RAI14: variants seen among roughly 807,000 people sequenced by gnomAD.
RAI14 encodes ankycorbin.
Under a neutral mutation model 115.4 loss-of-function variants are expected in RAI14, and 45 were observed. The observed-to-expected ratio is 0.39, with a 90% CI of 0.31 to 0.50. The LOEUF (loss-of-function observed/expected upper bound fraction) is 0.50, where lower values mean the gene tolerates loss of function less well. Ranked by LOEUF, RAI14 falls within the 20% of genes least tolerant of loss-of-function variation. The pLI is 0.85. For missense variants in RAI14, 939 were observed against 1,131.2 expected, an observed-to-expected ratio of 0.83 and a Z score of 2.44; for synonymous variants, 371 against 415.4, an observed-to-expected ratio of 0.89 and a Z score of 1.30.
At chr5:34,724,509 C>A (rs1329922555) in intron 2 of RAI14, among the ~76,000 whole-genome samples, 1 of 152,068 alleles carries the variant, frequency 6.6e-6, no homozygotes, top group Non-Finnish European at 1.5e-5. Context: ...CTCCCCATGG[C>A]GTGACAGGAA....
intron 2 of RAI14, among the ~76,000 whole-genome samples, chr5:34,735,660 T>C (rs1316010270): frequency 6.6e-6 from 1 of 152,246 alleles, no homozygotes; most frequent in Non-Finnish European, 1.5e-5. Flanking sequence ...CTCTAACTTG[T>C]ATAAAGAAAT....
chr5:34,792,323 T>A (rs1753026282), intron 3 of RAI14, among the ~76,000 whole-genome samples: 2 of 145,688 alleles, frequency 1.4e-5, no homozygotes, highest in African/African-American at 5.1e-5. Context: ...AAGCTCCGCC[T>A]CCCTGGTTCA....
chr5:34,809,033 C>T (rs1287897018), intron 7 of RAI14, among the ~76,000 whole-genome samples: 1 of 152,202 alleles, frequency 6.6e-6, no homozygotes, highest in African/African-American at 2.4e-5. Context: ...TCTGCAGCCC[C>T]TGGGTTGGGT....
At position 34,786,148 on chromosome 5, in the gene RAI14, G is replaced by A. The variant is rs183688251; in HGVS notation, c.168-9791G>A. ...CCCGGTTTGGAACGGGGCCCGGGAT[G>A]GGCCCCTCATGCCATTTCCCAAATT... On this transcript the variant is annotated intron_variant, in intron 3 of 17. Coordinates refer to ENST00000265109, the MANE Select transcript of RAI14 (RefSeq NM_015577.3). Among the ~76,000 whole-genome samples, 25 of 152,306 alleles carry A rather than the reference G, an allele frequency of 1.6e-4. 1 individual carries two copies. Among genetic ancestry groups the A allele is most frequent in the Non-Finnish European group, 5.9e-5 (4 of 68,034 alleles).
chr5:34,770,440 C>G (rs970493878), intron 3 of RAI14, among the ~76,000 whole-genome samples: 3 of 152,220 alleles, frequency 2.0e-5, no homozygotes, highest in African/African-American at 7.2e-5. Flanking sequence ...AAAATAAAGT[C>G]TCTGCCTTCA....
At chr5:34,691,578 T>C (rs1020004921) in intron 2 of RAI14, among the ~76,000 whole-genome samples, 1 of 152,204 alleles carries the variant, frequency 6.6e-6, no homozygotes, top group East Asian at 1.9e-4. Context: ...TCTTTGTAGA[T>C]GCCAATTTTT....
intron 2 of RAI14, among the ~76,000 whole-genome samples, chr5:34,740,507 A>C (rs1047818284): frequency 6.6e-6 from 1 of 152,218 alleles, no homozygotes; most frequent in Non-Finnish European, 1.5e-5. Flanking sequence ...TGGGAACCTC[A>C]ATGACTTTTC....
At chr5:34,664,268 C>T (rs1163805836) in intron 1 of RAI14, among the ~76,000 whole-genome samples, 3 of 151,310 alleles carry the variant, frequency 2.0e-5, no homozygotes, top group Non-Finnish European at 4.4e-5. Flanking sequence ...GGAGGGCAGA[C>T]CACTTGAGCT....
intron 2 of RAI14, among the ~76,000 whole-genome samples, chr5:34,747,357 T>A (rs1053751940): frequency 6.6e-6 from 1 of 152,254 alleles, no homozygotes; most frequent in Non-Finnish European, 1.5e-5. Context: ...TGGTATCCTC[T>A]TTGGGCTTTC....
rs1285458842 is a variant in RAI14, at chr5:34,831,115, C to G, written c.*350C>G. The G allele has an allele frequency of 4.5e-6, 1 of 224,584 alleles. No individual in the cohort carries two copies. The highest frequency in any genetic ancestry group is 1.1e-4 in the East Asian group (1 of 9,142). 13.9% of individuals were successfully genotyped at this position (224,584 alleles called of 1,614,324 possible). ...CCACCGAGTGATGTGCTGAGGCCTC[C>G]TGCAGTGAATGCTCCTTCCATTCCT... On this transcript the variant is annotated 3_prime_UTR_variant, in exon 18 of 18. Transcript: ENST00000265109.
intron 2 of RAI14, chr5:34,688,083 C>T (rs1217639332): frequency 6.8e-7 from 1 of 1,462,506 alleles, no homozygotes; most frequent in Non-Finnish European, 9.0e-7. Context: ...TTAAATAAAA[C>T]TCATAGAGTG....
chr5:34,798,295 T>C (rs1417393305), intron 4 of RAI14, among the ~76,000 whole-genome samples: 1 of 151,750 alleles, frequency 6.6e-6, no homozygotes, highest in Non-Finnish European at 1.5e-5. Context: ...CGCCTTGGCA[T>C]CCCAAAGTGC....
In RAI14 at chr5:34,799,878, G is replaced by A. The variant is rs575970422; in HGVS notation, c.257-3834G>A. 8.5e-5 allele frequency among the ~76,000 whole-genome samples: 13 copies of A among 152,100 alleles called. No homozygotes were observed. The South Asian group carries it at 1.3e-3, about 15-fold the overall frequency. On this transcript the variant is annotated intron_variant, in intron 4 of 17. Coordinates refer to ENST00000265109, the MANE Select transcript of RAI14 (RefSeq NM_015577.3). ...AATTTTTTGTATTTTTAGTAGGGAC[G>A]GGGTTTCACCGTGTTAGCCAGGCTG... is the stretch of plus-strand genomic sequence containing the variant.
At chr5:34,805,412 C>T (rs909764420) in intron 5 of RAI14, among the ~76,000 whole-genome samples, 9 of 152,204 alleles carry the variant, frequency 5.9e-5, no homozygotes, top group Non-Finnish European at 1.2e-4. Context: ...ATTTATGGAT[C>T]TCCCTGGGCT....
chr5:34,823,745 A>G lies in RAI14; in HGVS notation c.1903A>G (p.Asn635Asp), dbSNP rs1757154750. Reference sequence around the variant, plus strand: ...AGCTGAGGACATGAAAGAAGCCATGAATAGGATGATAGATGAACTCAATAA... The same window carrying G: ...AGCTGAGGACATGAAAGAAGCCATGGATAGGATGATAGATGAACTCAATAA... ...DEAEDMKEAM[N>D]RMIDELNKQV... The change falls in exon 15 of 18, where the codon AAT becomes GAT. Residue 635 changes from asparagine to aspartate, a missense_variant. Transcript: ENST00000265109. This position sits in a 1 kb window ranked among gnomAD's most constrained non-coding sequence, Gnocchi z 4.5. 1 of 1,614,236 alleles carries G rather than the reference A, an allele frequency of 6.2e-7. No homozygotes were observed. Among genetic ancestry groups the G allele is most frequent in the Admixed American group, 1.7e-5 (1 of 60,032 alleles).
At chr5:34,747,341 T>C (rs550560117) in intron 2 of RAI14, among the ~76,000 whole-genome samples, 92 of 152,376 alleles carry the variant, frequency 6.0e-4, no homozygotes, top group African/African-American at 2.2e-3. Context: ...TTAATTTTAG[T>C]AGTAATGGTA....
In RAI14 at chr5:34,666,302, A is replaced by G. The variant is rs186525452; in HGVS notation, c.-49+9827A>G. Among the ~76,000 whole-genome samples the G allele has an allele frequency of 2.6e-4, 40 of 151,910 alleles. No individual in the cohort carries two copies. In the East Asian group the frequency reaches 7.6e-3, roughly 29 times the overall value. On this transcript the variant is annotated intron_variant, in intron 1 of 17. Coordinates refer to ENST00000265109, the MANE Select transcript of RAI14 (RefSeq NM_015577.3). ...GGCTCACAGATGTCCCGGCCCCCCG[A>G]CAGTACTCCTAGTCTCACAGTAGGT...
chr5:34,732,463 G>T (rs111562963), intron 2 of RAI14, among the ~76,000 whole-genome samples: 24,092 of 137,550 alleles, frequency 0.18, 2,085 homozygotes, highest in South Asian at 0.22. Flanking sequence ...TTTTTTGACA[G>T]AGTCTTGCTC....
At chr5:34,776,189 T>G (rs1750812605) in intron 3 of RAI14, among the ~76,000 whole-genome samples, 1 of 152,188 alleles carries the variant, frequency 6.6e-6, no homozygotes, top group Non-Finnish European at 1.5e-5. Flanking sequence ...AAACTGCCTA[T>G]TCTCACTTAT....
Sources: gnomAD v4.1 joint callset for allele counts (sites outside exome capture counted in the v4.1 genomes callset) on GRCh38, gnomAD v4.1.1 for gene constraint, Gnocchi (gnomAD v3.1) non-coding constraint, MANE v1.5 for transcripts, NCBI Gene and HGNC (gene_info 2026-07-23, HGNC 2026-07-21) for gene names.